MAST4: variants seen among roughly 807,000 people sequenced by gnomAD.
MAST4 encodes microtubule-associated serine/threonine-protein kinase 4.
Under a neutral mutation model 162.7 loss-of-function variants are expected in MAST4, and 89 were observed. That is an observed-to-expected ratio of 0.55 (90% CI 0.46 to 0.65). The LOEUF (loss-of-function observed/expected upper bound fraction) is 0.65, where lower values mean the gene tolerates loss of function less well. MAST4 is among the 30% of genes least tolerant of loss of function. MAST4 has a pLI of 0.00. For missense variants in MAST4, 3,153 were observed against 3,374.0 expected (o/e 0.93, Z 1.62); for synonymous variants, 1,479 against 1,361.1 (o/e 1.09, Z -1.91).
chr5:66,916,919 C>T, intron 4 of MAST4: 1 of 705,750 alleles, frequency 1.4e-6, no homozygotes, highest in Admixed American at 2.0e-5. Context: ...CCACAACAAA[C>T]AGTGCTGCAA....
intron 3 of MAST4, among the ~76,000 whole-genome samples, chr5:66,887,795 T>G (rs942235295): frequency 6.6e-6 from 1 of 152,248 alleles, no homozygotes; most frequent in Non-Finnish European, 1.5e-5. Flanking sequence ...CTGTACTAGT[T>G]TTCACAGTGG....
At chr5:67,022,060 G>T (rs1322102961) in intron 4 of MAST4, among the ~76,000 whole-genome samples, 1 of 152,074 alleles carries the variant, frequency 6.6e-6, no homozygotes, top group Non-Finnish European at 1.5e-5. Context: ...TTGTAATTCT[G>T]TATATACTTA....
intron 1 of MAST4, among the ~76,000 whole-genome samples, chr5:66,629,176 A>G (rs1049827893): frequency 1.3e-5 from 2 of 152,224 alleles, no homozygotes; most frequent in African/African-American, 4.8e-5. Flanking sequence ...CAGAGAGCCA[A>G]GGAAGGCTGG....
At chr5:66,733,403 C>T (rs989558613) in intron 1 of MAST4, among the ~76,000 whole-genome samples, 1 of 151,996 alleles carries the variant, frequency 6.6e-6, no homozygotes, top group Non-Finnish European at 1.5e-5. Context: ...CAATTCCTAC[C>T]ACAGAAATTC....
At chr5:66,602,890 AT>A (rs1437317777) in intron 1 of MAST4, among the ~76,000 whole-genome samples, 2 of 152,270 alleles carry the variant, frequency 1.3e-5, no homozygotes, top group African/African-American at 4.8e-5. Context: ...CTGTTTCCTC[AT>A]CTGTAAAATG....
chr5:66,780,428 T>C (rs1754808018), intron 2 of MAST4, among the ~76,000 whole-genome samples: 1 of 152,082 alleles, frequency 6.6e-6, no homozygotes, highest in South Asian at 2.1e-4. Flanking sequence ...TGTCCGGAGT[T>C]TATTCCTTCA....
At chr5:66,892,822 C>T (rs1014055739) in intron 3 of MAST4, among the ~76,000 whole-genome samples, 2 of 152,178 alleles carry the variant, frequency 1.3e-5, no homozygotes, top group Admixed American at 1.3e-4. Flanking sequence ...CATGGCTTTG[C>T]AACTCTGGTC....
intron 1 of MAST4, among the ~76,000 whole-genome samples, chr5:66,669,827 TG>T (rs1747495014): frequency 6.6e-6 from 1 of 152,174 alleles, no homozygotes; most frequent in African/African-American, 2.4e-5. Context: ...GCTGGGTTAC[TG>T]GGTGTCGGCA....
chr5:67,133,856 A>G (rs1769286568), intron 17 of MAST4, among the ~76,000 whole-genome samples: 1 of 152,114 alleles, frequency 6.6e-6, no homozygotes. Flanking sequence ...CTCCCCCAAC[A>G]TTATGGTCTA....
At chr5:67,013,333 T>C (rs1752910781) in intron 4 of MAST4, among the ~76,000 whole-genome samples, 2 of 152,310 alleles carry the variant, frequency 1.3e-5, no homozygotes, top group South Asian at 4.1e-4. Flanking sequence ...TATTGGGTTC[T>C]GAGTGAAAAA....
intron 1 of MAST4, among the ~76,000 whole-genome samples, chr5:66,681,529 A>G (rs536935825): frequency 6.6e-6 from 1 of 152,330 alleles, no homozygotes; most frequent in East Asian, 1.9e-4. Context: ...CAGACTTCCC[A>G]GGTCCCTGTC....
chr5:67,018,536 A>T (rs1253904348), intron 4 of MAST4, among the ~76,000 whole-genome samples: 1 of 152,164 alleles, frequency 6.6e-6, no homozygotes, highest in East Asian at 1.9e-4. Flanking sequence ...TCCCTTTGAT[A>T]CTACATAGAT....
intron 16 of MAST4, 87 bp from the exon 17 acceptor site, chr5:67,133,427 T>C (rs2151001681): frequency 1.4e-6 from 2 of 1,458,308 alleles, no homozygotes; most frequent in Admixed American, 1.8e-5. Flanking sequence ...TAAATAGTCT[T>C]AGAAACTGAG....
At chr5:66,883,788 G>T (rs1187936538) in intron 3 of MAST4, among the ~76,000 whole-genome samples, 1 of 152,158 alleles carries the variant, frequency 6.6e-6, no homozygotes, top group Non-Finnish European at 1.5e-5. Flanking sequence ...CATGTGAACT[G>T]CAGGCCTACC....
Position 67,167,522 on chromosome 5 carries a change from A to G in MAST4, c.*471A>G, listed in dbSNP as rs1268086156. 1.3e-5 allele frequency: 2 copies of G among 152,606 alleles called. No homozygotes were observed. Among genetic ancestry groups the G allele is most frequent in the East Asian group, 3.8e-4 (2 of 5,200 alleles). The allele number at this position is 152,606 out of a possible 1,614,324, so 9.5% of individuals were successfully genotyped here. The stretch of plus-strand genomic sequence containing the variant: ...GATACACCCATATTCGTGTATATAC[A>G]CATCCACCTACATGTTTTGGTCTGT... On this transcript the variant is annotated 3_prime_UTR_variant, in exon 29 of 29. Coordinates refer to ENST00000403625, the MANE Select transcript of MAST4 (RefSeq NM_001164664.2).
intron 4 of MAST4, among the ~76,000 whole-genome samples, chr5:66,984,287 A>G (rs1158433732): frequency 6.6e-6 from 1 of 152,182 alleles, no homozygotes; most frequent in Non-Finnish European, 1.5e-5. Flanking sequence ...AAGCCTCCCA[A>G]GTAAAGAGGC....
intron 3 of MAST4, among the ~76,000 whole-genome samples, chr5:66,811,982 C>G (rs1203450928): frequency 6.6e-6 from 1 of 152,130 alleles, no homozygotes; most frequent in Non-Finnish European, 1.5e-5. Context: ...ACGTGAGTGC[C>G]CTAATTTTAC....
chr5:66,654,944 A>G (rs1746454089), intron 1 of MAST4, among the ~76,000 whole-genome samples: 2 of 152,148 alleles, frequency 1.3e-5, no homozygotes, highest in Admixed American at 1.3e-4. Flanking sequence ...TGTAGGTTTT[A>G]ATGAAAATCT....
intron 4 of MAST4, among the ~76,000 whole-genome samples, chr5:66,953,966 T>G (rs1044187139): frequency 1.3e-5 from 2 of 152,134 alleles, no homozygotes; most frequent in African/African-American, 4.8e-5. Flanking sequence ...GAACCACTAC[T>G]CTAGAGAATG....
Sources: allele counts gnomAD v4.1 joint callset (sites outside exome capture counted in the v4.1 genomes callset), GRCh38; gene constraint gnomAD v4.1.1; transcripts MANE v1.5; gene names NCBI Gene and HGNC (gene_info 2026-07-23, HGNC 2026-07-21).